Variants in GABARAPL1 observed in about 807,000 individuals in gnomAD.
GABARAPL1 encodes GABA type A receptor associated protein like 1, also known as gamma-aminobutyric acid receptor-associated protein-like 1.
In GABARAPL1, 4 loss-of-function variants were observed where a neutral mutation model predicts 14.5. The observed-to-expected ratio is 0.28, with a 90% CI of 0.14 to 0.63. GABARAPL1 has a LOEUF of 0.63. GABARAPL1 is among the 30% of genes least tolerant of loss of function. The pLI, the probability that GABARAPL1 is intolerant of heterozygous loss-of-function variation, is 0.84. For missense variants in GABARAPL1, 82 were observed against 139.2 expected (o/e 0.59, Z 2.07); for synonymous variants, 47 against 50.6 (o/e 0.93, Z 0.30).
Position 10,220,618 on chromosome 12 carries a change from C to T in GABARAPL1, c.288+60C>T, listed in dbSNP as rs1439630752. ...CCAGTGCAGTCTGGCATCCTCTAGC[C>T]CTTGTTCTAGATGCGTTGATAACAC... On this transcript the variant is annotated intron_variant, in intron 3 of 3. Transcript: ENST00000266458. 3 of 1,611,410 alleles carry T rather than the reference C, an allele frequency of 1.9e-6. No homozygotes were observed. In the Admixed American group the frequency reaches 5.0e-5, roughly 27 times the overall value.
At chr12:10,215,174 T>C (rs1949080769) in intron 1 of GABARAPL1, among the ~76,000 whole-genome samples, 1 of 152,172 alleles carries the variant, frequency 6.6e-6, no homozygotes, top group Non-Finnish European at 1.5e-5. Context: ...CTAGAGTGTC[T>C]TGTTTACAGA....
chr12:10,213,573 CATGG>C, intron 1 of GABARAPL1: 8 of 334,066 alleles, frequency 2.4e-5, no homozygotes, highest in South Asian at 1.9e-4. Context: ...AGATCGGGGC[CATGG>C]ATTGGCTGCC....
chr12:10,221,152 T>G (rs1024040279), intron 3 of GABARAPL1: 1 of 981,246 alleles, frequency 1.0e-6, no homozygotes, highest in Non-Finnish European at 1.2e-6. Flanking sequence ...TGAAACAGAT[T>G]CCACATTATC....
At chr12:10,217,558 C>T (rs118048352) in intron 1 of GABARAPL1, among the ~76,000 whole-genome samples, 16,203 of 152,046 alleles carry the variant, frequency 0.11, 1,086 homozygotes, top group Middle Eastern at 0.16. Context: ...ATGGTGAAAC[C>T]GCATCTCTCT....
chr12:10,213,630 C>G, intron 1 of GABARAPL1: 1 of 347,030 alleles, frequency 2.9e-6, no homozygotes, highest in Admixed American at 3.8e-5. Flanking sequence ...GAGGTTTGCG[C>G]AAACCCAGTC....
intron 3 of GABARAPL1, chr12:10,221,183 A>G: frequency 1.0e-6 from 1 of 976,360 alleles, no homozygotes; most frequent in Non-Finnish European, 1.2e-6. Context: ...GAATCAGATA[A>G]AATGAAATAT....
At chr12:10,216,871 G>A (rs1185928198) in intron 1 of GABARAPL1, among the ~76,000 whole-genome samples, 1 of 152,082 alleles carries the variant, frequency 6.6e-6, no homozygotes, top group Non-Finnish European at 1.5e-5. Flanking sequence ...AAAGTCTAAA[G>A]CTCATGATTT....
At chr12:10,220,986 A>G (rs934035471) in intron 3 of GABARAPL1, 1 of 985,292 alleles carries the variant, frequency 1.0e-6, no homozygotes, top group Non-Finnish European at 1.2e-6. Context: ...AGCACGTAAT[A>G]GTAAAGCCAG....
At chr12:10,221,689 A>G in intron 3 of GABARAPL1, 98 bp from the exon 4 acceptor site, 5 of 1,351,926 alleles carry the variant, frequency 3.7e-6, no homozygotes, top group Non-Finnish European at 5.2e-6. Flanking sequence ...GACTAATGAT[A>G]CCTTCCATAC....
chr12:10,222,017 A>C lies in GABARAPL1; in HGVS notation c.*165A>C. On this transcript the variant is annotated 3_prime_UTR_variant, in exon 4 of 4. Coordinates refer to ENST00000266458, the MANE Select transcript of GABARAPL1 (RefSeq NM_031412.4). ...ACCGTCATCACATTTTCACATGCTC[A>C]ATTGATATTTTTTGCTGCTTCCTCG... is the stretch of plus-strand genomic sequence containing the variant. 2 of 643,808 alleles carry C rather than the reference A, an allele frequency of 3.1e-6. No individual in the cohort carries two copies. The highest frequency in any genetic ancestry group is 5.5e-6 in the Non-Finnish European group (2 of 364,188). 39.9% of individuals were successfully genotyped at this position (643,808 alleles called of 1,614,324 possible).
chr12:10,221,774 T>C lies in GABARAPL1; in HGVS notation c.289-13T>C. ...ATATGTTTTCTAAACTGTTGTCTTATCTCTTCCCCTAGGACAATCATGAGG... is the reference window on the plus strand; with the variant it reads ...ATATGTTTTCTAAACTGTTGTCTTACCTCTTCCCCTAGGACAATCATGAGG... On this transcript the variant is annotated splice_polypyrimidine_tract_variant and intron_variant, in intron 3 of 3. Coordinates refer to ENST00000266458, the MANE Select transcript of GABARAPL1 (RefSeq NM_031412.4). The C allele has an allele frequency of 6.2e-7, 1 of 1,613,812 alleles. No individual in the cohort carries two copies. The highest frequency in any genetic ancestry group is 1.1e-5 in the South Asian group (1 of 91,074).
intron 1 of GABARAPL1, chr12:10,214,123 C>A (rs1339925996): frequency 8.7e-6 from 2 of 230,940 alleles, no homozygotes; most frequent in South Asian, 4.7e-5. Flanking sequence ...GGTAGGGGGA[C>A]CAGCAGCTGT....
intron 2 of GABARAPL1, among the ~76,000 whole-genome samples, chr12:10,219,949 T>C (rs1166991167): frequency 6.6e-6 from 1 of 152,196 alleles, no homozygotes; most frequent in African/African-American, 2.4e-5. Context: ...TTCAGTATTC[T>C]CAAGTAAAGG....
intron 1 of GABARAPL1, among the ~76,000 whole-genome samples, 200 bp from the exon 2 acceptor site, chr12:10,217,863 T>C (rs1949099089): frequency 6.6e-6 from 1 of 152,236 alleles, no homozygotes; most frequent in Non-Finnish European, 1.5e-5. Context: ...TATTTTTATT[T>C]TAGTAATGCA....
rs1197618910 is a variant in GABARAPL1, at chr12:10,213,219, C to T, written c.90C>T (p.Pro30=). The change falls in exon 1 of 4, where the codon CCC becomes CCT. Residue 30 remains proline (P), a splice_region_variant and synonymous_variant. Transcript: ENST00000266458. ...GGAAGAAATATCCGGACAGGGTCCCCGTGAGTGTAGAGGAGCGGAGGGGAT... is the reference window on the plus strand; with the variant it reads ...GGAAGAAATATCCGGACAGGGTCCCTGTGAGTGTAGAGGAGCGGAGGGGAT... ...KIRKKYPDRV[P]VIVEKAPKAR... 1.4e-6 allele frequency: 2 copies of T among 1,449,934 alleles called. No homozygotes were observed. Among genetic ancestry groups the T allele is most frequent in the South Asian group, 1.2e-5 (1 of 83,522 alleles). The allele number at this position is 1,449,934 out of a possible 1,614,324, so 89.8% of individuals were successfully genotyped here. A position where few individuals can be genotyped will look rare whatever the true frequency, so the allele number is the denominator to read the frequency against.
intron 2 of GABARAPL1, among the ~76,000 whole-genome samples, chr12:10,219,314 G>A (rs140093362): frequency 0.02 from 2,809 of 139,776 alleles, 85 homozygotes; most frequent in African/African-American, 0.069. Context: ...GTGAGACTCC[G>A]CCTCAAAAAA....
chr12:10,220,973 GA>G, intron 3 of GABARAPL1: 1 of 1,248,376 alleles, frequency 8.0e-7, no homozygotes, highest in Non-Finnish European at 1.0e-6. Context: ...AACAGATTGA[GA>G]AAGCACGTAA....
At chr12:10,220,134 A>G (rs927095883) in intron 2 of GABARAPL1, among the ~76,000 whole-genome samples, 2 of 152,158 alleles carry the variant, frequency 1.3e-5, no homozygotes, top group African/African-American at 2.4e-5. Context: ...CTGGATGCAC[A>G]TGGTATTCCT....
Position 10,221,875 on chromosome 12 carries a change from G to A in GABARAPL1, c.*23G>A. On this transcript the variant is annotated 3_prime_UTR_variant, in exon 4 of 4. Coordinates refer to ENST00000266458, the MANE Select transcript of GABARAPL1 (RefSeq NM_031412.4). ...TGAGTGGTTGGAAGCCCAGCAGATG[G>A]GAGCACCTGGACTTGGGGGTAGGGG... 6.2e-7 allele frequency: 1 copy of A among 1,611,520 alleles called. No individual in the cohort carries two copies. The highest frequency in any genetic ancestry group is 8.5e-7 in the Non-Finnish European group (1 of 1,177,832).
Sources: allele counts gnomAD v4.1 joint callset (sites outside exome capture counted in the v4.1 genomes callset), GRCh38; gene constraint gnomAD v4.1.1; transcripts MANE v1.5; gene names NCBI Gene and HGNC (gene_info 2026-07-23, HGNC 2026-07-21).